Variants in CDH11 observed in about 807,000 individuals in gnomAD.
CDH11 encodes cadherin-11.
CDH11 carries 11 observed loss-of-function variants against 67.8 expected under a neutral mutation model. The observed-to-expected ratio is 0.16, with a 90% CI of 0.10 to 0.27. The LOEUF (loss-of-function observed/expected upper bound fraction) is 0.27. Among genes scored for constraint, CDH11 ranks in the 10% least tolerant of loss-of-function variants. CDH11 has a pLI of 1.00. For missense variants in CDH11, 847 were observed against 1,031.2 expected (o/e 0.82, Z 2.45); for synonymous variants, 419 against 400.0 (o/e 1.05, Z -0.57).
Position 65,004,776 on chromosome 16 carries a change from G to C in CDH11, c.94C>G (p.Arg32Gly). Residue 32 changes from arginine to glycine, a missense_variant, in exon 3 of 13, where the codon CGG becomes GGG. This residue lies in a region of CDH11 where 235 missense variants were observed against 352.5 expected (regional missense o/e 0.67). Coordinates refer to ENST00000268603, the MANE Select transcript of CDH11 (RefSeq NM_001797.4). ...AFAPERRGHL[R>G]PSFHGHHEKG... ...TCATGGTGCCCATGGAAGGAGGGCC[G>C]CAGGTGCCCCCGCCGCTCTGGGGCA... The C allele has an allele frequency of 6.3e-7, 1 of 1,591,240 alleles. No homozygotes were observed. Among genetic ancestry groups the C allele is most frequent in the Non-Finnish European group, 8.6e-7 (1 of 1,167,198 alleles).
At chr16:65,101,565 TC>T (rs2142858624) in intron 1 of CDH11, among the ~76,000 whole-genome samples, 2 of 152,196 alleles carry the variant, frequency 1.3e-5, no homozygotes, top group South Asian at 4.2e-4. Context: ...CTTCTTCTCT[TC>T]CCTCCCTACT....
intron 11 of CDH11, among the ~76,000 whole-genome samples, chr16:64,960,947 G>A (rs1211739904): frequency 6.6e-6 from 1 of 152,156 alleles, no homozygotes; most frequent in Non-Finnish European, 1.5e-5. Flanking sequence ...CAGCTTCTCT[G>A]TGGGTAACTC....
Position 64,945,456 on chromosome 16 carries a change from A to T in CDH11, c.*2147T>A. 5 of 1,036,724 alleles carry T rather than the reference A, an allele frequency of 4.8e-6. No homozygotes were observed. Among genetic ancestry groups the T allele is most frequent in the Middle Eastern group, 4.5e-4 (1 of 2,236 alleles). 64.2% of individuals were successfully genotyped at this position (1,036,724 alleles called of 1,614,324 possible). On this transcript the variant is annotated 3_prime_UTR_variant, in exon 13 of 13. Transcript: ENST00000268603. ...CTAGAGAAAAGGATCATCCATGGTG[A>T]CAGGGTTACTTACAGCTGTATACTT...
At chr16:64,963,817 A>G (rs539946179) in intron 11 of CDH11, among the ~76,000 whole-genome samples, 1 of 152,346 alleles carries the variant, frequency 6.6e-6, no homozygotes, top group East Asian at 1.9e-4. Flanking sequence ...TAAAGTATTG[A>G]GAGAAAAAAA....
In CDH11 at chr16:64,946,361, T is replaced by G; in HGVS notation, c.*1242A>C. On this transcript the variant is annotated 3_prime_UTR_variant, in exon 13 of 13. Transcript: ENST00000268603. Reference sequence around the variant, plus strand: ...TCCCCCAGTTCCCCAGTGCTCAGTGTGGGGCATAGAATGTATACCTGGAAC... The same window carrying G: ...TCCCCCAGTTCCCCAGTGCTCAGTGGGGGGCATAGAATGTATACCTGGAAC... 9.6e-7 allele frequency: 1 copy of G among 1,041,428 alleles called. No homozygotes were observed. The highest frequency in any genetic ancestry group is 1.2e-6 in the Non-Finnish European group (1 of 864,076). The allele number at this position is 1,041,428 out of a possible 1,614,324, so 64.5% of individuals were successfully genotyped here.
At chr16:65,035,920 G>A (rs1363462598) in intron 2 of CDH11, among the ~76,000 whole-genome samples, 3 of 152,124 alleles carry the variant, frequency 2.0e-5, no homozygotes, top group Non-Finnish European at 2.9e-5. Flanking sequence ...TAGTTTCCAC[G>A]TGAGAGTGGA....
At chr16:65,053,779 G>T in intron 2 of CDH11, 25 bp downstream of exon 2, 1 of 455,898 alleles carries the variant, frequency 2.2e-6, no homozygotes, top group South Asian at 1.5e-5. Context: ...TATGTGAATT[G>T]TTCAGTAATA....
chr16:64,981,097 C>CTTTTTTTTTTTTTTTTTTTTTTTTT (rs71376752), intron 8 of CDH11: 1 of 116,468 alleles, frequency 8.6e-6, no homozygotes, highest in African/African-American at 3.8e-5. Flanking sequence ...TTCTTTCTTT[C>CTTTTTTTTTTTTTTTTTTTTTTTTT]TTTTTTTTTT....
At chr16:65,043,633 T>G (rs904006700) in intron 2 of CDH11, among the ~76,000 whole-genome samples, 1 of 152,200 alleles carries the variant, frequency 6.6e-6, no homozygotes, top group Admixed American at 6.5e-5. Flanking sequence ...TCCCAGTAGC[T>G]GAGACCACCA....
intron 1 of CDH11, among the ~76,000 whole-genome samples, chr16:65,112,816 T>G (rs1169811782): frequency 6.6e-6 from 1 of 152,204 alleles, no homozygotes; most frequent in East Asian, 1.9e-4. Flanking sequence ...GCGTATGAAA[T>G]GACACTGGAC....
chr16:65,063,029 C>T (rs559160183), intron 1 of CDH11, among the ~76,000 whole-genome samples: 159 of 152,322 alleles, frequency 1.0e-3, no homozygotes, highest in Admixed American at 2.1e-3. Flanking sequence ...GTTTCAGTTT[C>T]GCGTTTGCTG....
chr16:64,971,229 T>C (rs563905460), intron 11 of CDH11, among the ~76,000 whole-genome samples: 1 of 152,172 alleles, frequency 6.6e-6, no homozygotes, highest in African/African-American at 2.4e-5. Context: ...CTTTTAATGC[T>C]TTACTTGATA....
At chr16:65,102,130 A>C (rs8044310) in intron 1 of CDH11, among the ~76,000 whole-genome samples, 1,961 of 152,332 alleles carry the variant, frequency 0.013, 49 homozygotes, top group African/African-American at 0.045. Flanking sequence ...ACCTCCAAAA[A>C]ATGCCTGCAG....
intron 1 of CDH11, 60 bp from the exon 2 acceptor site, chr16:65,053,988 C>T (rs943776658): frequency 6.7e-6 from 3 of 446,986 alleles, no homozygotes; most frequent in Non-Finnish European, 1.4e-5. Flanking sequence ...CCAAGTGATA[C>T]AGTATTAAAC....
chr16:65,121,886 C>A lies in CDH11; in HGVS notation c.-304G>T. On this transcript the variant is annotated 5_prime_UTR_variant, in exon 1 of 13. Transcript: ENST00000268603. The surrounding 1 kb of genome is among the most constrained non-coding windows in gnomAD (Gnocchi z 4.1). ...GACTGGCGGCGCACCTCACCTGGGG[C>A]CCTTGAGGGTGGACGCAACCTCCGA... 1.4e-6 allele frequency: 1 copy of A among 701,992 alleles called. No individual in the cohort carries two copies. Among genetic ancestry groups the A allele is most frequent in the Non-Finnish European group, 2.6e-6 (1 of 384,650 alleles). 43.5% of individuals were successfully genotyped at this position (701,992 alleles called of 1,614,324 possible). A position where few individuals can be genotyped will look rare whatever the true frequency, so the allele number is the denominator to read the frequency against.
intron 1 of CDH11, among the ~76,000 whole-genome samples, chr16:65,097,612 A>C (rs748519786): frequency 6.6e-6 from 1 of 152,206 alleles, no homozygotes; most frequent in Non-Finnish European, 1.5e-5. Flanking sequence ...TCTGGGGGCA[A>C]AATCATTATT....
chr16:64,962,368 G>T (rs952862574), intron 11 of CDH11, among the ~76,000 whole-genome samples: 1 of 152,004 alleles, frequency 6.6e-6, no homozygotes, highest in African/African-American at 2.4e-5. Context: ...GAGTTTACAG[G>T]GCAAAGAGCC....
Position 65,027,908 on chromosome 16 carries a change from T to C in CDH11, c.-172-22867A>G, listed in dbSNP as rs1005273066. The stretch of plus-strand genomic sequence containing the variant: ...AGGGAAGGGACTTGCATTTGAAGGA[T>C]AGTTGTTTTAACAAATATACACATA... On this transcript the variant is annotated intron_variant, in intron 2 of 12. Coordinates refer to ENST00000268603, the MANE Select transcript of CDH11 (RefSeq NM_001797.4). Among the ~76,000 whole-genome samples, 27 of 152,290 alleles carry C rather than the reference T, an allele frequency of 1.8e-4. No homozygotes were observed. In the East Asian group the frequency reaches 5.2e-3, roughly 29 times the overall value.
intron 1 of CDH11, among the ~76,000 whole-genome samples, chr16:65,092,378 C>G (rs1362817882): frequency 6.6e-6 from 1 of 152,178 alleles, no homozygotes; most frequent in Non-Finnish European, 1.5e-5. Context: ...GGCAACCTCA[C>G]AGCCCAGAGC....
Sources: gnomAD v4.1 joint callset for allele counts (sites outside exome capture counted in the v4.1 genomes callset) on GRCh38, gnomAD v4.1.1 for gene constraint, gnomAD v4.1.1 regional missense constraint, Gnocchi (gnomAD v3.1) non-coding constraint, MANE v1.5 for transcripts, NCBI Gene and HGNC (gene_info 2026-07-23, HGNC 2026-07-21) for gene names.